The following RAB27A variants were observed in gnomAD, a reference collection of about 807,000 sequenced individuals.
The protein encoded by RAB27A is ras-related protein Rab-27A.
In RAB27A, 17 loss-of-function variants were observed where a neutral mutation model predicts 20.8. That is an observed-to-expected ratio of 0.82 (90% CI 0.56 to 1.23). The LOEUF (loss-of-function observed/expected upper bound fraction) is 1.23. Among genes scored for constraint, RAB27A ranks in the 50% most tolerant of loss-of-function variants. RAB27A has a pLI of 0.00. For synonymous variants in RAB27A, 85 were observed against 92.8 expected (o/e 0.92, Z 0.48); for missense variants, 277 against 266.7 (o/e 1.04, Z -0.27).
chr15:55,212,567 T>A (rs921669433), intron 6 of RAB27A, among the ~76,000 whole-genome samples: 1 of 145,378 alleles, frequency 6.9e-6, no homozygotes, highest in Non-Finnish European at 1.5e-5. Context: ...TCTCACTCTG[T>A]TGCCCAGCCT....
intron 2 of RAB27A, among the ~76,000 whole-genome samples, chr15:55,247,837 A>G (rs1287386577): frequency 6.6e-6 from 1 of 152,024 alleles, no homozygotes; most frequent in Non-Finnish European, 1.5e-5. Flanking sequence ...AGTACCATCA[A>G]TTTGACACAT....
chr15:55,287,928 G>A (rs1387852825), intron 1 of RAB27A, among the ~76,000 whole-genome samples: 3 of 152,106 alleles, frequency 2.0e-5, no homozygotes, highest in Non-Finnish European at 4.4e-5. Context: ...AGAACTGACA[G>A]TCCAGAAATA....
chr15:55,243,282 G>A (rs1457308814), intron 2 of RAB27A, among the ~76,000 whole-genome samples: 1 of 152,114 alleles, frequency 6.6e-6, no homozygotes, highest in Admixed American at 6.5e-5. Context: ...AAAGCAAGCA[G>A]AGCAATCATG....
chr15:55,317,954 C>A (rs1311857824), intron 1 of RAB27A: 2 of 373,036 alleles, frequency 5.4e-6, no homozygotes, highest in Non-Finnish European at 9.5e-6. Flanking sequence ...CTGGAGTGAA[C>A]AATATTTTTA....
At chr15:55,275,918 TAAAAAA>T (rs60106785) in intron 1 of RAB27A, among the ~76,000 whole-genome samples, 1 of 104,142 alleles carries the variant, frequency 9.6e-6, no homozygotes, top group African/African-American at 3.8e-5. Flanking sequence ...GATGGCTAAT[TAAAAAA>T]AAAAAAAAAA....
rs115433183 is a variant in RAB27A at position 55,225,679 on chromosome 15, G to C, written c.344-1667C>G. Among the ~76,000 whole-genome samples the C allele has an allele frequency of 3.1e-3, 476 of 152,302 alleles. 3 individuals are homozygous for C. Among genetic ancestry groups the C allele is most frequent in the African/African-American group, 0.011 (442 of 41,570 alleles). On this transcript the variant is annotated intron_variant, in intron 5 of 6. Coordinates refer to ENST00000336787, the MANE Select transcript of RAB27A (RefSeq NM_183235.3). ...TGGTTAACAGTATTTATTTTGGGTA[G>C]TCTAGGAAGTGTGATTATTGGTGAT...
intron 1 of RAB27A, chr15:55,318,721 A>G (rs1384899648): frequency 9.5e-6 from 1 of 104,902 alleles, no homozygotes; most frequent in East Asian, 4.7e-4. Flanking sequence ...AACAAAAACA[A>G]AAACAAAAAA....
chr15:55,299,075 A>G (rs1223732886), intron 2 of RAB27A, among the ~76,000 whole-genome samples: 2 of 152,266 alleles, frequency 1.3e-5, no homozygotes, highest in African/African-American at 2.4e-5. Context: ...GACAGGATTA[A>G]GAGATTAAAG....
chr15:55,318,878 C>T lies in RAB27A; in HGVS notation c.-234+53G>A, dbSNP rs139289683. The stretch of plus-strand genomic sequence containing the variant: ...GAGCAACGAACCTGAAATGTTAACA[C>T]CAACACTGACGTCTACAATTACCGT... On this transcript the variant is annotated intron_variant, in intron 1 of 5. Coordinates refer to the RAB27A transcript ENST00000563262. 2.6e-3 allele frequency: 500 copies of T among 189,650 alleles called. 3 individuals carry two copies. The highest frequency in any genetic ancestry group is 0.011 in the African/African-American group (475 of 42,676). The allele number at this position is 189,650 out of a possible 1,614,324, so 11.7% of individuals were successfully genotyped here.
At chr15:55,213,726 T>C (rs542605983) in intron 6 of RAB27A, among the ~76,000 whole-genome samples, 1 of 152,340 alleles carries the variant, frequency 6.6e-6, no homozygotes, top group African/African-American at 2.4e-5. Flanking sequence ...GAGAATCTAA[T>C]GCCTGATGAT....
intron 2 of RAB27A, among the ~76,000 whole-genome samples, chr15:55,299,565 C>A (rs2054963007): frequency 6.7e-6 from 1 of 148,412 alleles, no homozygotes. Context: ...TGCACTCCAG[C>A]CTAGGTGACA....
At chr15:55,247,299 C>T (rs1896724430) in intron 2 of RAB27A, among the ~76,000 whole-genome samples, 1 of 151,504 alleles carries the variant, frequency 6.6e-6, no homozygotes, top group African/African-American at 2.4e-5. Flanking sequence ...GGGCCCAAGG[C>T]TCAAAGGCAG....
At chr15:55,225,857 C>T (rs1012392933) in intron 5 of RAB27A, among the ~76,000 whole-genome samples, 1 of 151,544 alleles carries the variant, frequency 6.6e-6, no homozygotes, top group Non-Finnish European at 1.5e-5. Flanking sequence ...GGACCCTATA[C>T]ACAGTATAAA....
At chr15:55,297,904 T>TA (rs2054956054) in intron 2 of RAB27A, among the ~76,000 whole-genome samples, 2 of 152,028 alleles carry the variant, frequency 1.3e-5, no homozygotes, top group African/African-American at 2.4e-5. Context: ...CCAGCATTCT[T>TA]AAAAAATCCC....
At chr15:55,220,042 C>T (rs1895491958) in intron 6 of RAB27A, among the ~76,000 whole-genome samples, 1 of 151,970 alleles carries the variant, frequency 6.6e-6, no homozygotes, top group Non-Finnish European at 1.5e-5. Context: ...ATCATGCATA[C>T]AATTTGCCCT....
intron 4 of RAB27A, among the ~76,000 whole-genome samples, chr15:55,229,698 G>C (rs28369247): frequency 2.0e-5 from 3 of 151,936 alleles, no homozygotes; most frequent in Non-Finnish European, 4.4e-5. Flanking sequence ...TTATCTTTTA[G>C]AGCTACATTA....
At chr15:55,257,130 G>C (rs990404266) in intron 2 of RAB27A, among the ~76,000 whole-genome samples, 1 of 152,226 alleles carries the variant, frequency 6.6e-6, no homozygotes, top group African/African-American at 2.4e-5. Flanking sequence ...ACAGAAGCAG[G>C]ACATTTGAAG....
At chr15:55,291,282 C>A (rs12708446), upstream of RAB27A, among the ~76,000 whole-genome samples, 1 of 151,812 alleles carries the variant, frequency 6.6e-6, no homozygotes, top group African/African-American at 2.4e-5. Flanking sequence ...AGCCCGAGGC[C>A]GGCAGATCAC....
At chr15:55,302,693 C>G (rs1422125619) in intron 2 of RAB27A, among the ~76,000 whole-genome samples, 8 of 115,336 alleles carry the variant, frequency 6.9e-5, no homozygotes, top group Non-Finnish European at 1.3e-4. Flanking sequence ...GGCCGCCCAT[C>G]GTCTGAGATG....
Sources: allele counts gnomAD v4.1 joint callset (sites outside exome capture counted in the v4.1 genomes callset), GRCh38; gene constraint gnomAD v4.1.1; transcripts MANE v1.5; gene names NCBI Gene and HGNC (gene_info 2026-07-23, HGNC 2026-07-21).